The following CDK12 variants were observed in gnomAD, a reference collection of about 807,000 sequenced individuals.
The protein encoded by CDK12 is cyclin dependent kinase 12, also known as cyclin-dependent kinase 12.
CDK12 carries 17 observed loss-of-function variants against 133.8 expected under a neutral mutation model. The ratio of observed to expected loss-of-function variants is 0.13; its 90% CI spans 0.09 to 0.19. CDK12 has a LOEUF of 0.19. CDK12 is among the 10% of genes least tolerant of loss of function. CDK12 has a pLI of 1.00. For synonymous variants in CDK12, 694 were observed against 683.6 expected, an observed-to-expected ratio of 1.02 and a Z score of -0.24; for missense variants, 1,508 against 1,818.7, an observed-to-expected ratio of 0.83 and a Z score of 3.11.
At chr17:39,468,086 G>A (rs1428860791) in intron 1 of CDK12, among the ~76,000 whole-genome samples, 1 of 147,610 alleles carries the variant, frequency 6.8e-6, no homozygotes, top group Admixed American at 6.9e-5. Context: ...AGTAGAGCTG[G>A]GATTTCACCA....
chr17:39,475,629 T>C (rs2050135391), intron 2 of CDK12, among the ~76,000 whole-genome samples: 1 of 149,648 alleles, frequency 6.7e-6, no homozygotes, highest in African/African-American at 2.5e-5. Flanking sequence ...CACTGCAAAC[T>C]CCATCTCCCA....
At chr17:39,516,819 C>T (rs1190978197) in intron 9 of CDK12, among the ~76,000 whole-genome samples, 2 of 151,780 alleles carry the variant, frequency 1.3e-5, no homozygotes, top group African/African-American at 4.8e-5. Flanking sequence ...CCCACCACCA[C>T]ACGCGGCTCA....
In CDK12 at chr17:39,485,847, T is replaced by C. The variant is rs546052952; in HGVS notation, c.1932-4710T>C. On this transcript the variant is annotated intron_variant, in intron 2 of 13. Transcript: ENST00000447079. ...ATGATTGCACCACTACAGTCCAGCT[T>C]GGGTGACACAGCAAGATCCTGTCTC... 9.9e-5 allele frequency among the ~76,000 whole-genome samples: 15 copies of C among 152,186 alleles called. No homozygotes were observed. The South Asian group carries it at 1.0e-3, about 11-fold the overall frequency.
intron 5 of CDK12, among the ~76,000 whole-genome samples, chr17:39,498,847 C>G (rs1396303792): frequency 6.6e-6 from 1 of 151,182 alleles, no homozygotes; most frequent in Non-Finnish European, 1.5e-5. Flanking sequence ...ATTCATTTTT[C>G]TCTCAATTTT....
At chr17:39,538,142 T>G (rs2055227579), downstream of CDK12, among the ~76,000 whole-genome samples, 1 of 152,216 alleles carries the variant, frequency 6.6e-6, no homozygotes, top group South Asian at 2.1e-4. Context: ...TAAGGACATT[T>G]ACTTAACACT....
At chr17:39,494,786 T>C (rs956310313) in intron 5 of CDK12, 92 bp downstream of exon 5, 13 of 978,970 alleles carry the variant, frequency 1.3e-5, no homozygotes, top group Non-Finnish European at 1.8e-5. Context: ...TTTTTTTTTT[T>C]TGAGACGGAG....
chr17:39,486,144 G>A lies in CDK12; in HGVS notation c.1932-4413G>A, dbSNP rs150881359. ...ATTTTTGTACTTTTAGTAGAGATGC[G>A]GTTTCACCATGTTGGCTAGGCTGGT... On this transcript the variant is annotated intron_variant, in intron 2 of 13. Coordinates refer to ENST00000447079, the MANE Select transcript of CDK12 (RefSeq NM_016507.4). Among the ~76,000 whole-genome samples, 1,102 of 151,232 alleles carry A rather than the reference G, an allele frequency of 7.3e-3. 15 individuals are homozygous for A. Among genetic ancestry groups the A allele is most frequent in the African/African-American group, 0.026 (1,056 of 41,208 alleles).
Position 39,471,218 on chromosome 17 carries a change from G to T in CDK12, c.1386G>T (p.Leu462=), listed in dbSNP as rs750656906. 5.0e-6 allele frequency: 8 copies of T among 1,598,058 alleles called. No individual in the cohort carries two copies. The Admixed American group carries it at 1.4e-4, about 29-fold the overall frequency. ...AAAAATCTGCCCCAGATACTGAACT[G>T]GTGAATGTAACACATCTAAACACAG... ...KLEKSAPDTE[L]VNVTHLNTEV... Residue 462 remains leucine, a synonymous_variant, in exon 2 of 14, where the codon CTG becomes CTT. Transcript: ENST00000447079.
rs1161595429 is a variant in CDK12, at chr17:39,471,053, A to T, written c.1221A>T (p.Ala407=). 1 of 1,613,678 alleles carries T rather than the reference A, an allele frequency of 6.2e-7. No individual in the cohort carries two copies. Among genetic ancestry groups the T allele is most frequent in the Non-Finnish European group, 8.5e-7 (1 of 1,179,826 alleles). The change falls in exon 2 of 14, where the codon GCA becomes GCT. Residue 407 remains alanine, a synonymous_variant. Transcript: ENST00000447079. The part of the protein sequence containing the change: ...AELSRKKKER[A]AAAAAAKMDG... ...TCAGTAGGAAAAAGAAGGAAAGAGC[A>T]GCTGCTGCTGCTGCAGCAAAGATGG...
chr17:39,474,745 A>G (rs1045424151), intron 2 of CDK12, among the ~76,000 whole-genome samples: 3 of 148,408 alleles, frequency 2.0e-5, no homozygotes, highest in Non-Finnish European at 3.0e-5. Context: ...ATTTTAAGGA[A>G]TGGCTCCATC....
intron 5 of CDK12, among the ~76,000 whole-genome samples, chr17:39,500,419 G>A (rs2052635126): frequency 6.6e-6 from 1 of 151,892 alleles, no homozygotes. Context: ...GATCACCTGA[G>A]GTCAGGAGTT....
intron 2 of CDK12, among the ~76,000 whole-genome samples, chr17:39,486,555 C>T (rs1312336233): frequency 6.6e-6 from 1 of 152,026 alleles, no homozygotes. Context: ...CATGAGTCAC[C>T]ATGCTCAGCC....
chr17:39,484,986 T>C (rs1053667548), intron 2 of CDK12, among the ~76,000 whole-genome samples: 2 of 151,856 alleles, frequency 1.3e-5, no homozygotes, highest in Non-Finnish European at 2.9e-5. Flanking sequence ...CTGGCTAACA[T>C]GGTGAAACCC....
At chr17:39,463,139 C>T in intron 1 of CDK12, 22 bp downstream of exon 1, 1 of 1,600,056 alleles carries the variant, frequency 6.2e-7, no homozygotes, top group Admixed American at 1.7e-5. Context: ...GTCTAACAGT[C>T]CTTCCTCATT....
At chr17:39,487,607 ATT>A (rs887590343) in intron 2 of CDK12, among the ~76,000 whole-genome samples, 3,962 of 96,074 alleles carry the variant, frequency 0.041, 100 homozygotes, top group African/African-American at 0.12. Flanking sequence ...GCATGACACA[ATT>A]TTTTTTTTTT....
chr17:39,510,114 CT>C (rs762953806), intron 7 of CDK12, among the ~76,000 whole-genome samples: 138 of 125,468 alleles, frequency 1.1e-3, no homozygotes, highest in Admixed American at 1.9e-3. Context: ...CAATCTCTCT[CT>C]TTTTTTTTTT....
At chr17:39,566,773 C>T (rs992261972), downstream of CDK12, 5 of 152,322 alleles carry the variant, frequency 3.3e-5, no homozygotes, top group African/African-American at 7.2e-5. Flanking sequence ...AATTCCAACT[C>T]TCTTCTCTTC....
intron 11 of CDK12, among the ~76,000 whole-genome samples, chr17:39,521,985 GAC>G (rs1276470846): frequency 2.6e-5 from 4 of 152,042 alleles, no homozygotes; most frequent in African/African-American, 9.7e-5. Context: ...ACAGGCAGGA[GAC>G]ACATGCTTGG....
chr17:39,517,495 T>C lies in CDK12; in HGVS notation c.2902T>C (p.Tyr968His), dbSNP rs762562900. The C allele has an allele frequency of 1.2e-5, 20 of 1,613,896 alleles. No individual in the cohort carries two copies. Among genetic ancestry groups the C allele is most frequent in the Non-Finnish European group, 1.6e-5 (19 of 1,179,762 alleles). Residue 968 changes from tyrosine to histidine, a missense_variant, in exon 10 of 14, where the codon TAC becomes CAC. Tyr to His is a moderately conservative substitution (Grantham distance 83). Coordinates refer to ENST00000447079, the MANE Select transcript of CDK12 (RefSeq NM_016507.4). Reference protein sequence around the residue: ...AVWPDVIKLPYFNTMKPKKQY... With the variant: ...AVWPDVIKLPHFNTMKPKKQY... ...GTGGCCTGATGTTATCAAACTGCCC[T>C]ACTTCAACACCATGAAACCGAAGAA...
Sources: gnomAD v4.1 joint callset for allele counts (sites outside exome capture counted in the v4.1 genomes callset) on GRCh38, gnomAD v4.1.1 for gene constraint, MANE v1.5 for transcripts, NCBI Gene and HGNC (gene_info 2026-07-23, HGNC 2026-07-21) for gene names.